Variants in TMEM209 observed in about 807,000 individuals in gnomAD.
TMEM209 encodes the protein transmembrane protein 209.
A neutral mutation model predicts 76.2 loss-of-function variants in TMEM209; 65 were observed. The observed-to-expected ratio is 0.85, with a 90% CI of 0.70 to 1.05. TMEM209 has a LOEUF of 1.05. Among genes scored for constraint, TMEM209 ranks in the 50% least tolerant of loss-of-function variants. The pLI is 0.00. For missense variants in TMEM209, 623 were observed against 685.5 expected, an observed-to-expected ratio of 0.91 and a Z score of 1.02; for synonymous variants, 239 against 237.6, an observed-to-expected ratio of 1.01 and a Z score of -0.06.
chr7:130,200,914 C>G (rs1798168425), intron 5 of TMEM209, among the ~76,000 whole-genome samples: 1 of 151,510 alleles, frequency 6.6e-6, no homozygotes, highest in Admixed American at 6.6e-5. Flanking sequence ...ATGGCGAAAC[C>G]CCGTCTCTAC....
chr7:130,197,271 T>A (rs1208796476), intron 5 of TMEM209, among the ~76,000 whole-genome samples: 1 of 152,148 alleles, frequency 6.6e-6, no homozygotes, highest in Non-Finnish European at 1.5e-5. Context: ...GGTGTATACA[T>A]ACAATGGAAT....
At chr7:130,189,837 T>C (rs1022962288) in intron 6 of TMEM209, among the ~76,000 whole-genome samples, 3 of 152,216 alleles carry the variant, frequency 2.0e-5, no homozygotes, top group Admixed American at 6.5e-5. Flanking sequence ...GGAGTAATGA[T>C]ACCTCAATAA....
intron 10 of TMEM209, among the ~76,000 whole-genome samples, 168 bp from the exon 11 acceptor site, chr7:130,175,777 T>C (rs1797215647): frequency 6.6e-6 from 1 of 152,146 alleles, no homozygotes; most frequent in South Asian, 2.1e-4. Flanking sequence ...AACATGTCCC[T>C]GAAGACATCA....
intron 6 of TMEM209, 66 bp downstream of exon 6, chr7:130,192,556 G>T: frequency 7.4e-7 from 1 of 1,352,122 alleles, no homozygotes; most frequent in South Asian, 1.2e-5. Context: ...TTAAAATAAT[G>T]AAAATAGTAG....
chr7:130,196,870 C>T (rs2633375), intron 5 of TMEM209, among the ~76,000 whole-genome samples: 37,285 of 152,098 alleles, frequency 0.25, 5,347 homozygotes, highest in East Asian at 0.59. Flanking sequence ...TACTATGCTT[C>T]GTTTGGTATA....
chr7:130,181,575 G>T, intron 9 of TMEM209, 48 bp downstream of exon 9: 2 of 1,510,266 alleles, frequency 1.3e-6, no homozygotes, highest in Non-Finnish European at 1.8e-6. Flanking sequence ...TTTTCCACTT[G>T]GTAGATTTAC....
rs769505605 is a variant in TMEM209 at position 130,192,698 on chromosome 7, T to G, written c.699A>C (p.Glu233Asp). The G allele has an allele frequency of 1.9e-6, 3 of 1,613,820 alleles. No individual in the cohort carries two copies. The highest frequency in any genetic ancestry group is 2.2e-5 in the South Asian group (2 of 91,086). ...PTVYNSPTDK[E>D]DYMTDLRTLD... ...AAGTTCGTAGGTCGGTCATGTAGTC[T>G]TCTTTGTCAGTAGGTGAGTTGTAGA... The change falls in exon 6 of 15, where the codon GAA becomes GAC. Residue 233 changes from glutamate (E) to aspartate (D), a missense_variant. Glu to Asp is a conservative substitution (Grantham distance 45, BLOSUM62 2). Transcript: ENST00000397622.
chr7:130,184,301 T>C (rs1231990997), intron 7 of TMEM209, 46 bp from the exon 8 acceptor site: 3 of 1,357,272 alleles, frequency 2.2e-6, no homozygotes, highest in Non-Finnish European at 3.0e-6. Context: ...AGGAAAAATC[T>C]TGATAGAAAT....
intron 9 of TMEM209, among the ~76,000 whole-genome samples, chr7:130,179,267 G>A (rs1249364916): frequency 6.6e-6 from 1 of 152,014 alleles, no homozygotes; most frequent in African/African-American, 2.4e-5. Context: ...ATTTTAATTT[G>A]CACGATCTAC....
chr7:130,178,658 G>A (rs971950136), intron 9 of TMEM209, 131 bp from the exon 10 acceptor site: 210 of 1,028,440 alleles, frequency 2.0e-4, no homozygotes, highest in East Asian at 8.9e-4. Context: ...AGTCAATGAC[G>A]TCTCCCCTGA....
chr7:130,166,611 A>C, intron 14 of TMEM209, 106 bp from the exon 15 acceptor site: 2 of 600,838 alleles, frequency 3.3e-6, no homozygotes, highest in South Asian at 5.6e-5. Context: ...CTGATATTTA[A>C]TGTGATTCTG....
intron 13 of TMEM209, among the ~76,000 whole-genome samples, chr7:130,172,700 A>G (rs1182173823): frequency 6.6e-6 from 1 of 152,090 alleles, no homozygotes; most frequent in African/African-American, 2.4e-5. Context: ...TTTTATAGCC[A>G]TTAAGAAGTA....
At chr7:130,192,855 T>C in intron 5 of TMEM209, 32 bp from the exon 6 acceptor site, 9 of 1,590,156 alleles carry the variant, frequency 5.7e-6, no homozygotes, top group Non-Finnish European at 7.7e-6. Context: ...TACTTTATTT[T>C]TCTTTAATTG....
intron 14 of TMEM209, among the ~76,000 whole-genome samples, chr7:130,166,733 A>G (rs1478619518): frequency 6.6e-6 from 1 of 152,190 alleles, no homozygotes; most frequent in Non-Finnish European, 1.5e-5. Context: ...GAGTGTTGAC[A>G]GTTTTTCAGT....
intron 1 of TMEM209, 50 bp downstream of exon 1, chr7:130,205,323 C>G (rs1404116585): frequency 1.9e-6 from 3 of 1,613,878 alleles, no homozygotes; most frequent in African/African-American, 1.3e-5. Context: ...ACTCCCACAA[C>G]CCGCGTAGAT....
Position 130,185,201 on chromosome 7 carries a change from G to A in TMEM209, c.942C>T (p.Ala314=), listed in dbSNP as rs778131899. Reference sequence around the variant, plus strand: ...TTTATTTTCCACTTACCTCTTCTGCGGCTTGTTTAGAGCTGAGATCGGCTT... The same window carrying A: ...TTTATTTTCCACTTACCTCTTCTGCAGCTTGTTTAGAGCTGAGATCGGCTT... The part of the protein sequence containing the change: ...KDEADLSSKQ[A]AEEVWARVAM... The change falls in exon 7 of 15, where the codon GCC becomes GCT. Residue 314 remains alanine (A), a synonymous_variant. Coordinates refer to ENST00000397622, the MANE Select transcript of TMEM209 (RefSeq NM_032842.4). 2.1e-5 allele frequency: 34 copies of A among 1,611,382 alleles called. No individual in the cohort carries two copies. The highest frequency in any genetic ancestry group is 2.8e-5 in the Non-Finnish European group (33 of 1,178,354).
intron 8 of TMEM209, chr7:130,181,985 G>C (rs1356155287): frequency 9.8e-6 from 3 of 305,828 alleles, no homozygotes; most frequent in Non-Finnish European, 1.9e-5. Flanking sequence ...TTGTTGCCCA[G>C]GCTGGAGTGC....
chr7:130,187,660 A>G (rs995698581), intron 6 of TMEM209, among the ~76,000 whole-genome samples: 9 of 152,004 alleles, frequency 5.9e-5, no homozygotes, highest in African/African-American at 2.2e-4. Context: ...TTAAAAAAAA[A>G]AAAAAAGAAA....
intron 7 of TMEM209, 55 bp from the exon 8 acceptor site, chr7:130,184,310 ATC>A: frequency 7.7e-7 from 1 of 1,294,588 alleles, no homozygotes; most frequent in African/African-American, 1.5e-5. Context: ...CTTGATAGAA[ATC>A]ATCATTCTTT....
Sources: allele counts gnomAD v4.1 joint callset (sites outside exome capture counted in the v4.1 genomes callset), GRCh38; gene constraint gnomAD v4.1.1; transcripts MANE v1.5; gene names NCBI Gene and HGNC (gene_info 2026-07-23, HGNC 2026-07-21).